Variants in HKDC1 observed in about 807,000 individuals in gnomAD.
HKDC1 encodes the protein hexokinase domain containing 1, also known as hexokinase HKDC1.
Under a neutral mutation model 96.6 loss-of-function variants are expected in HKDC1, and 66 were observed. The observed-to-expected ratio is 0.68, with a 90% CI of 0.56 to 0.84. The LOEUF (loss-of-function observed/expected upper bound fraction) is 0.84, where lower values mean the gene tolerates loss of function less well. HKDC1 is among the 40% of genes least tolerant of loss of function. HKDC1 has a pLI of 0.00. For synonymous variants in HKDC1, 466 were observed against 473.1 expected, an observed-to-expected ratio of 0.98 and a Z score of 0.20; for missense variants, 1,211 against 1,208.1, an observed-to-expected ratio of 1.00 and a Z score of -0.04.
At chr10:69,256,979 T>C in intron 12 of HKDC1, 57 bp from the exon 13 acceptor site, 1 of 1,291,914 alleles carries the variant, frequency 7.7e-7, no homozygotes, top group Admixed American at 1.7e-5. Context: ...GATGTTGAGG[T>C]TGTGCAGTGG....
intron 8 of HKDC1, 125 bp downstream of exon 8, chr10:69,246,359 C>T (rs921471657): frequency 1.9e-6 from 2 of 1,066,088 alleles, no homozygotes; most frequent in Non-Finnish European, 2.8e-6. Context: ...AGATTTCAGA[C>T]CTGGGCATGG....
chr10:69,251,343 G>A lies in HKDC1; in HGVS notation c.1836+691G>A, dbSNP rs531568959. On this transcript the variant is annotated intron_variant, in intron 12 of 17. Coordinates refer to ENST00000354624, the MANE Select transcript of HKDC1 (RefSeq NM_025130.4). ...ACTCCTGACCTCAGGTGATCTACCTGTCTCGGCCTCCCAAAGTGCTAGGAT... is the reference window on the plus strand; with the variant it reads ...ACTCCTGACCTCAGGTGATCTACCTATCTCGGCCTCCCAAAGTGCTAGGAT... 3.9e-5 allele frequency among the ~76,000 whole-genome samples: 6 copies of A among 152,020 alleles called. No individual in the cohort carries two copies. The East Asian group carries it at 1.2e-3, about 29-fold the overall frequency.
intron 1 of HKDC1, among the ~76,000 whole-genome samples, chr10:69,222,573 C>T (rs138136153): frequency 0.018 from 2,710 of 152,232 alleles, 45 homozygotes; most frequent in Admixed American, 0.031. Flanking sequence ...ACCTTTTGTA[C>T]CCTAGGATCA....
At chr10:69,239,251 A>G in intron 5 of HKDC1, 114 bp downstream of exon 5, 1 of 671,906 alleles carries the variant, frequency 1.5e-6, no homozygotes, top group South Asian at 1.8e-5. Context: ...ATGGAGGGAG[A>G]ATCAGAGAAG....
chr10:69,257,821 G>A (rs1368615914), intron 14 of HKDC1, among the ~76,000 whole-genome samples: 5 of 152,164 alleles, frequency 3.3e-5, no homozygotes, highest in Non-Finnish European at 5.9e-5. Context: ...ACAGGAAGGA[G>A]AGGAGCTGGA....
At position 69,246,218 on chromosome 10, in the gene HKDC1, G is replaced by C. The variant is rs373637440; in HGVS notation, c.1015G>C (p.Val339Leu). The part of the protein sequence containing the change: ...HTKGKIETRH[V>L]AAMEKYKEGL... Reference sequence around the variant, plus strand: ...TAAGGGCAAGATCGAAACACGGCACGTGGCTGCCATGGAGAAGTAAGCAAG... The same window carrying C: ...TAAGGGCAAGATCGAAACACGGCACCTGGCTGCCATGGAGAAGTAAGCAAG... The change falls in exon 8 of 18, where the codon GTG becomes CTG. Residue 339 changes from valine (V) to leucine (L), a missense_variant. Val to Leu is a conservative substitution (Grantham distance 32). Coordinates refer to ENST00000354624, the MANE Select transcript of HKDC1 (RefSeq NM_025130.4). The C allele has an allele frequency of 6.2e-7, 1 of 1,613,966 alleles. No individual in the cohort carries two copies. The highest frequency in any genetic ancestry group is 1.7e-5 in the Admixed American group (1 of 60,024).
At chr10:69,266,584 A>C in intron 17 of HKDC1, 26 bp from the exon 18 acceptor site, 1 of 1,611,320 alleles carries the variant, frequency 6.2e-7, no homozygotes, top group Non-Finnish European at 8.5e-7. Flanking sequence ...GGAAGGGCTG[A>C]TGATGTTTCT....
At chr10:69,225,559 T>C (rs745525321) in intron 1 of HKDC1, among the ~76,000 whole-genome samples, 1 of 152,182 alleles carries the variant, frequency 6.6e-6, no homozygotes, top group Non-Finnish European at 1.5e-5. Flanking sequence ...CCCGGAGCCA[T>C]GGTACCATTT....
chr10:69,247,743 G>C, intron 9 of HKDC1, 150 bp downstream of exon 9: 2 of 659,956 alleles, frequency 3.0e-6, no homozygotes, highest in Non-Finnish European at 5.2e-6. Flanking sequence ...TGAATCCAGG[G>C]CCTGCATTCA....
At chr10:69,220,820 G>T (rs1843048725) in intron 1 of HKDC1, among the ~76,000 whole-genome samples, 1 of 152,174 alleles carries the variant, frequency 6.6e-6, no homozygotes, top group Admixed American at 6.5e-5. Flanking sequence ...GGCCACAAAG[G>T]CGAGGAGAAT....
intron 6 of HKDC1, among the ~76,000 whole-genome samples, chr10:69,242,125 T>A (rs895965464): frequency 2.0e-5 from 3 of 152,200 alleles, no homozygotes; most frequent in African/African-American, 7.2e-5. Context: ...TTTCTTAATG[T>A]CCCTCAAGAC....
chr10:69,261,356 T>C (rs1327576999), intron 16 of HKDC1, 62 bp downstream of exon 16: 1 of 1,529,696 alleles, frequency 6.5e-7, no homozygotes, highest in Non-Finnish European at 9.0e-7. Context: ...CACGCTGGGG[T>C]TGGGCCAATT....
chr10:69,261,349 G>A lies in HKDC1; in HGVS notation c.2372+55G>A, dbSNP rs376136817. The A allele has an allele frequency of 1.3e-3, 1,994 of 1,565,840 alleles. 32 individuals are homozygous for A. The South Asian group carries it at 0.021, about 17-fold the overall frequency. ...TCTGACTGGCATATGCTGCCACCACGCTGGGGTTGGGCCAATTTGAGGTTT... is the reference window on the plus strand; with the variant it reads ...TCTGACTGGCATATGCTGCCACCACACTGGGGTTGGGCCAATTTGAGGTTT... On this transcript the variant is annotated intron_variant, in intron 16 of 17. Transcript: ENST00000354624.
Position 69,239,157 on chromosome 10 carries a change from G to A in HKDC1, c.591+20G>A, listed in dbSNP as rs553813644. The A allele has an allele frequency of 6.3e-7, 1 of 1,592,124 alleles. No homozygotes were observed. The highest frequency in any genetic ancestry group is 2.2e-5 in the East Asian group (1 of 44,768). ...CACAAGGTGAGGAATTCACCTCGGT[G>A]TGGGAGGCTCTCCCAGCCCTAGCTC... On this transcript the variant is annotated intron_variant, in intron 5 of 17. Coordinates refer to ENST00000354624, the MANE Select transcript of HKDC1 (RefSeq NM_025130.4).
chr10:69,248,526 G>A lies in HKDC1; in HGVS notation c.1368G>A (p.Val456=). 1.2e-6 allele frequency: 2 copies of A among 1,613,668 alleles called. No individual in the cohort carries two copies. Among genetic ancestry groups the A allele is most frequent in the Non-Finnish European group, 1.7e-6 (2 of 1,179,712 alleles). ...ESGSTKGAAM[V]TAVASRVQAQ... Reference sequence around the variant, plus strand: ...GCAGCACCAAGGGGGCCGCCATGGTGACCGCGGTGGCCTCCCGCGTGCAGG... The same window carrying A: ...GCAGCACCAAGGGGGCCGCCATGGTAACCGCGGTGGCCTCCCGCGTGCAGG... The change falls in exon 10 of 18, where the codon GTG becomes GTA. Residue 456 remains valine (V), a synonymous_variant. Transcript: ENST00000354624.
intron 15 of HKDC1, among the ~76,000 whole-genome samples, chr10:69,259,570 C>G (rs1365279459): frequency 6.6e-6 from 1 of 152,124 alleles, no homozygotes; most frequent in Non-Finnish European, 1.5e-5. Context: ...TGATATTAGT[C>G]CATTCTCCCG....
At chr10:69,242,632 A>C (rs1843472144) in intron 6 of HKDC1, among the ~76,000 whole-genome samples, 1 of 152,190 alleles carries the variant, frequency 6.6e-6, no homozygotes, top group Non-Finnish European at 1.5e-5. Context: ...CCCAGTGCTC[A>C]AGTGTTTGAG....
chr10:69,240,736 G>A lies in HKDC1; in HGVS notation c.676G>A (p.Val226Ile). 1.9e-6 allele frequency: 3 copies of A among 1,614,024 alleles called. No homozygotes were observed. The highest frequency in any genetic ancestry group is 2.5e-6 in the Non-Finnish European group (3 of 1,179,876). ...TGCCTATGACGACCCCTACTGCGAA[G>A]TTGGTGTCATCATCGGTAACTCAAT... ...TCAYDDPYCE[V>I]GVIIGTGTNA... is the part of the protein sequence containing the mutation. Residue 226 changes from valine (V) to isoleucine (I), a missense_variant, in exon 6 of 18, where the codon GTT becomes ATT. Val to Ile is a conservative substitution (Grantham distance 29). Coordinates refer to ENST00000354624, the MANE Select transcript of HKDC1 (RefSeq NM_025130.4).
Position 69,248,412 on chromosome 10 carries a change from C to A in HKDC1, c.1266-12C>A, listed in dbSNP as rs375971823. On this transcript the variant is annotated splice_polypyrimidine_tract_variant and intron_variant, in intron 9 of 17. Coordinates refer to ENST00000354624, the MANE Select transcript of HKDC1 (RefSeq NM_025130.4). ...ATGATTGCTAAATATTTTGCCATCACCCCTGCTTCAGGTACCCAAAACGCC... is the reference window on the plus strand; with the variant it reads ...ATGATTGCTAAATATTTTGCCATCAACCCTGCTTCAGGTACCCAAAACGCC... The A allele has an allele frequency of 1.4e-5, 21 of 1,540,640 alleles. No homozygotes were observed. The African/African-American group carries it at 2.7e-4, about 20-fold the overall frequency.
Sources: gnomAD v4.1 joint callset for allele counts (sites outside exome capture counted in the v4.1 genomes callset) on GRCh38, gnomAD v4.1.1 for gene constraint, MANE v1.5 for transcripts, NCBI Gene and HGNC (gene_info 2026-07-23, HGNC 2026-07-21) for gene names.